Variants in CNTNAP2 observed in about 807,000 individuals in gnomAD.
CNTNAP2 encodes the protein contactin associated protein 2, also known as contactin-associated protein-like 2.
A neutral mutation model predicts 155.2 loss-of-function variants in CNTNAP2; 98 were observed. The observed-to-expected ratio is 0.63, with a 90% CI of 0.54 to 0.75. The LOEUF is 0.75. Among genes scored for constraint, CNTNAP2 ranks in the 30% least tolerant of loss-of-function variants. CNTNAP2 has a pLI of 0.00. For missense variants in CNTNAP2, 1,727 were observed against 1,688.1 expected (o/e 1.02, Z -0.40); for synonymous variants, 651 against 631.2 (o/e 1.03, Z -0.47).
chr7:147,534,430 C>T (rs1799504807), intron 11 of CNTNAP2, among the ~76,000 whole-genome samples: 2 of 152,102 alleles, frequency 1.3e-5, no homozygotes, highest in African/African-American at 4.8e-5. Context: ...TTCCTCTGCC[C>T]AGGCCTCCTT....
chr7:146,457,758 C>A (rs898851489), intron 1 of CNTNAP2, among the ~76,000 whole-genome samples: 14 of 151,636 alleles, frequency 9.2e-5, no homozygotes, highest in Non-Finnish European at 1.9e-4. Context: ...CCACCTGGGT[C>A]TCCCAAAGTG....
chr7:147,399,359 C>A (rs1026173187), intron 10 of CNTNAP2, among the ~76,000 whole-genome samples: 1 of 152,082 alleles, frequency 6.6e-6, no homozygotes, highest in Non-Finnish European at 1.5e-5. Context: ...AAAATTATGC[C>A]ATTATAATCC....
intron 20 of CNTNAP2, among the ~76,000 whole-genome samples, chr7:148,253,790 A>C (rs1796412733): frequency 6.6e-6 from 1 of 152,196 alleles, no homozygotes; most frequent in Admixed American, 6.5e-5. Context: ...TCCCCAGCTG[A>C]CATGACAACC....
At chr7:146,128,284 T>A (rs1376858360) in intron 1 of CNTNAP2, among the ~76,000 whole-genome samples, 1 of 152,186 alleles carries the variant, frequency 6.6e-6, no homozygotes, top group Non-Finnish European at 1.5e-5. Flanking sequence ...TACCATTACA[T>A]GAAATTAGCC....
At chr7:146,556,350 TG>T (rs1798198006) in intron 1 of CNTNAP2, among the ~76,000 whole-genome samples, 1 of 152,204 alleles carries the variant, frequency 6.6e-6, no homozygotes, top group South Asian at 2.1e-4. Flanking sequence ...TGTGTGACTT[TG>T]GATGAATTGC....
chr7:148,238,644 CAA>C (rs2116794503), intron 20 of CNTNAP2, among the ~76,000 whole-genome samples: 1 of 152,288 alleles, frequency 6.6e-6, no homozygotes, highest in African/African-American at 2.4e-5. Context: ...TTTTTATAAT[CAA>C]AGAGAACTAC....
chr7:146,706,637 G>A (rs1339752736), intron 1 of CNTNAP2, among the ~76,000 whole-genome samples: 2 of 152,032 alleles, frequency 1.3e-5, no homozygotes, highest in Non-Finnish European at 2.9e-5. Flanking sequence ...GGACCTGGAG[G>A]CCATTATCCT....
intron 1 of CNTNAP2, among the ~76,000 whole-genome samples, chr7:146,419,549 G>C (rs1262610977): frequency 6.6e-6 from 1 of 151,980 alleles, no homozygotes; most frequent in Non-Finnish European, 1.5e-5. Context: ...CAATAAAAGT[G>C]ACCAGAAATA....
intron 13 of CNTNAP2, among the ~76,000 whole-genome samples, chr7:147,793,736 A>G (rs1306159468): frequency 6.6e-6 from 1 of 152,086 alleles, no homozygotes; most frequent in Non-Finnish European, 1.5e-5. Flanking sequence ...AGGTTGCATT[A>G]AATCAGACCT....
At chr7:146,521,654 A>AAG (rs1261855937) in intron 1 of CNTNAP2, among the ~76,000 whole-genome samples, 1 of 151,958 alleles carries the variant, frequency 6.6e-6, no homozygotes, top group African/African-American at 2.4e-5. Context: ...CAACTATCAG[A>AAG]CCTTTTTGAA....
intron 1 of CNTNAP2, among the ~76,000 whole-genome samples, chr7:146,263,045 G>A (rs1471661312): frequency 3.3e-5 from 5 of 152,148 alleles, no homozygotes; most frequent in South Asian, 2.1e-4. Flanking sequence ...TTGGCCAGGC[G>A]TGGTGGCTCA....
chr7:148,403,038 A>C (rs1370218754), intron 22 of CNTNAP2, among the ~76,000 whole-genome samples: 1 of 39,834 alleles, frequency 2.5e-5, no homozygotes, highest in Non-Finnish European at 5.7e-5. Flanking sequence ...AAAAAAAAAA[A>C]AAACTTTACT....
chr7:147,877,046 A>G (rs1352993390), intron 13 of CNTNAP2, among the ~76,000 whole-genome samples: 1 of 152,168 alleles, frequency 6.6e-6, no homozygotes, highest in East Asian at 1.9e-4. Flanking sequence ...CATTGGGAAA[A>G]AAGTGGTAGC....
At chr7:146,823,468 C>T (rs1163708578) in intron 2 of CNTNAP2, among the ~76,000 whole-genome samples, 1 of 122,852 alleles carries the variant, frequency 8.1e-6, no homozygotes, top group African/African-American at 3.6e-5. Flanking sequence ...AGTATATTTA[C>T]ATGGAAATAT....
intron 1 of CNTNAP2, among the ~76,000 whole-genome samples, chr7:146,421,953 A>G (rs1422128052): frequency 6.6e-6 from 1 of 151,944 alleles, no homozygotes; most frequent in East Asian, 1.9e-4. Context: ...ACTGAAGAGT[A>G]CAACTTTAAG....
intron 1 of CNTNAP2, among the ~76,000 whole-genome samples, chr7:146,567,583 A>G (rs1010234867): frequency 6.6e-6 from 1 of 152,134 alleles, no homozygotes; most frequent in African/African-American, 2.4e-5. Context: ...ATCAAGCTAT[A>G]TTTTCTTTCC....
chr7:146,358,322 C>G (rs190825094), intron 1 of CNTNAP2, among the ~76,000 whole-genome samples: 1 of 152,304 alleles, frequency 6.6e-6, no homozygotes, highest in East Asian at 1.9e-4. Flanking sequence ...GCGTGAGCCA[C>G]CTCGCCTGGC....
chr7:147,107,947 AT>A (rs1271430769), intron 4 of CNTNAP2, among the ~76,000 whole-genome samples, 199 bp from the exon 5 acceptor site: 1 of 152,120 alleles, frequency 6.6e-6, no homozygotes, highest in Non-Finnish European at 1.5e-5. Context: ...TTTTATGAGC[AT>A]TTTTATCAAT....
chr7:147,988,086 C>T lies in CNTNAP2; in HGVS notation c.2383+10097C>T, dbSNP rs118024222. On this transcript the variant is annotated intron_variant, in intron 15 of 23. Transcript: ENST00000361727. ...TCCAGAAAGGCGGGACAACTCAAAG[C>T]GGAGGGTGGTGGGGGTAGGGGTTCC... Among the ~76,000 whole-genome samples, 83 of 152,140 alleles carry T rather than the reference C, an allele frequency of 5.5e-4. 1 individual carries two copies. Among genetic ancestry groups the T allele is most frequent in the African/African-American group, 1.6e-3 (66 of 41,502 alleles).
Sources: gnomAD v4.1 joint callset for allele counts (sites outside exome capture counted in the v4.1 genomes callset) on GRCh38, gnomAD v4.1.1 for gene constraint, MANE v1.5 for transcripts, NCBI Gene and HGNC (gene_info 2026-07-23, HGNC 2026-07-21) for gene names.